Variants in GMPS observed in about 807,000 individuals in gnomAD.
GMPS encodes guanosine monophosphate synthase, also known as GMP synthase [glutamine-hydrolyzing].
Under a neutral mutation model 77.9 loss-of-function variants are expected in GMPS, and 15 were observed. That is an observed-to-expected ratio of 0.19 (90% CI 0.13 to 0.30). The LOEUF is 0.30. GMPS is among the 10% of genes least tolerant of loss of function. The pLI, the probability that GMPS is intolerant of heterozygous loss-of-function variation, is 1.00. For missense variants in GMPS, 590 were observed against 838.8 expected, an observed-to-expected ratio of 0.70 and a Z score of 3.66; for synonymous variants, 224 against 275.9, an observed-to-expected ratio of 0.81 and a Z score of 1.86.
In GMPS at chr3:155,941,384, A is replaced by C. The variant is rs1378899054; in HGVS notation, c.*3692A>C. ...GTGCCACTGCACTCCGGCCTGGTGA[A>C]AGAGCGAGACTCAGTCTCAAAAAAA... is the stretch of plus-strand genomic sequence containing the variant. On this transcript the variant is annotated 3_prime_UTR_variant, in exon 16 of 16. Transcript: ENST00000496455. 16 of 175,884 alleles carry C rather than the reference A, an allele frequency of 9.1e-5. No individual in the cohort carries two copies. Among genetic ancestry groups the C allele is most frequent in the African/African-American group, 7.9e-5 (3 of 37,748 alleles). The allele number at this position is 175,884 out of a possible 1,614,324, so 10.9% of individuals were successfully genotyped here. A position where few individuals can be genotyped will look rare whatever the true frequency, so the allele number is the denominator to read the frequency against.
rs1755894171 is a variant in GMPS, at chr3:155,941,612, G to A, written c.*3920G>A. ...TCTCATTGATATGTGGCGAGGACAC[G>A]CCTTAGCTATCACCCCAATGGATGC... On this transcript the variant is annotated 3_prime_UTR_variant, in exon 16 of 16. Coordinates refer to ENST00000496455, the MANE Select transcript of GMPS (RefSeq NM_003875.3). 9.0e-6 allele frequency: 2 copies of A among 221,156 alleles called. No individual in the cohort carries two copies. The highest frequency in any genetic ancestry group is 1.8e-4 in the South Asian group (1 of 5,430). The allele number at this position is 221,156 out of a possible 1,614,324, so 13.7% of individuals were successfully genotyped here. A position where few individuals can be genotyped will look rare whatever the true frequency, so the allele number is the denominator to read the frequency against.
At chr3:155,910,389 G>A (rs1755008066) in intron 5 of GMPS, among the ~76,000 whole-genome samples, 1 of 152,012 alleles carries the variant, frequency 6.6e-6, no homozygotes, top group Non-Finnish European at 1.5e-5. Context: ...CCAACATAGT[G>A]AAACCCTATC....
intron 8 of GMPS, 59 bp downstream of exon 8, chr3:155,914,629 G>A: frequency 8.9e-7 from 1 of 1,124,582 alleles, no homozygotes; most frequent in Non-Finnish European, 1.2e-6. Flanking sequence ...CTTAGTATTT[G>A]TTTTTCCTTG....
At chr3:155,899,714 T>G (rs940603072) in intron 3 of GMPS, among the ~76,000 whole-genome samples, 10 of 152,234 alleles carry the variant, frequency 6.6e-5, no homozygotes, top group South Asian at 2.1e-4. Flanking sequence ...CATTGTAGTA[T>G]TATACATTTT....
At chr3:155,885,852 CT>C (rs1400058717) in intron 1 of GMPS, among the ~76,000 whole-genome samples, 2 of 152,218 alleles carry the variant, frequency 1.3e-5, no homozygotes, top group African/African-American at 4.8e-5. Flanking sequence ...GAATCTCGCT[CT>C]GTCACAGCCC....
At chr3:155,887,405 T>TA (rs1275433213) in intron 1 of GMPS, among the ~76,000 whole-genome samples, 2 of 152,218 alleles carry the variant, frequency 1.3e-5, no homozygotes, top group Non-Finnish European at 2.9e-5. Context: ...ATTACCAATG[T>TA]AAATTTCTTG....
intron 11 of GMPS, 21 bp downstream of exon 11, chr3:155,922,323 T>G (rs1235095355): frequency 2.2e-6 from 2 of 907,072 alleles, no homozygotes; most frequent in East Asian, 5.5e-5. Flanking sequence ...ATACAGCTAA[T>G]CATTACAAGA....
At chr3:155,876,680 A>G (rs138848054) in intron 1 of GMPS, among the ~76,000 whole-genome samples, 1 of 152,336 alleles carries the variant, frequency 6.6e-6, no homozygotes, top group East Asian at 1.9e-4. Flanking sequence ...TATAGAGCAC[A>G]TATTGTTCTG....
At chr3:155,915,935 C>G (rs921429131) in intron 8 of GMPS, 84 bp from the exon 9 acceptor site, 3 of 841,720 alleles carry the variant, frequency 3.6e-6, no homozygotes, top group Non-Finnish European at 3.7e-6. Flanking sequence ...CTAAAGGACT[C>G]TAAGAGATTT....
intron 1 of GMPS, among the ~76,000 whole-genome samples, chr3:155,881,030 T>G (rs1392432518): frequency 6.6e-6 from 1 of 152,142 alleles, no homozygotes; most frequent in African/African-American, 2.4e-5. Flanking sequence ...ACTTACATTC[T>G]TATGTATTTC....
chr3:155,918,427 G>A (rs1755238103), intron 9 of GMPS, among the ~76,000 whole-genome samples: 1 of 152,234 alleles, frequency 6.6e-6, no homozygotes, highest in Admixed American at 6.5e-5. Flanking sequence ...ACTCCCGCCT[G>A]AGCGACAGAG....
At chr3:155,884,461 T>C (rs2108059483) in intron 1 of GMPS, among the ~76,000 whole-genome samples, 1 of 152,046 alleles carries the variant, frequency 6.6e-6, no homozygotes, top group Non-Finnish European at 1.5e-5. Context: ...CAGTGCCAAC[T>C]TTTCGTAGTT....
chr3:155,916,335 C>T (rs376305586), intron 9 of GMPS, 143 bp downstream of exon 9: 33 of 613,638 alleles, frequency 5.4e-5, no homozygotes, highest in African/African-American at 4.5e-4. Context: ...TAAAAAGGAA[C>T]CTTATACCCA....
At chr3:155,883,343 A>G (rs928903281) in intron 1 of GMPS, among the ~76,000 whole-genome samples, 3 of 152,156 alleles carry the variant, frequency 2.0e-5, no homozygotes, top group African/African-American at 7.2e-5. Flanking sequence ...CCAAAGTGCT[A>G]GGATTACAGG....
rs1308036793 is a variant in GMPS at position 155,906,222 on chromosome 3, A to G, written c.485A>G (p.Asp162Gly). The G allele has an allele frequency of 6.2e-7, 1 of 1,612,418 alleles. No individual in the cohort carries two copies. The highest frequency in any genetic ancestry group is 1.7e-5 in the Admixed American group (1 of 59,846). ...THGDSVDKVA[D>G]GFKVVARSGN... ...GGAGATAGTGTAGACAAAGTAGCTG[A>G]TGGATTCAAGGTTGTGGCACGTTCT... Residue 162 changes from aspartate to glycine, a missense_variant, in exon 5 of 16, where the codon GAT (aspartate) becomes GGT (glycine). Coordinates refer to ENST00000496455, the MANE Select transcript of GMPS (RefSeq NM_003875.3).
At chr3:155,906,400 G>T in intron 5 of GMPS, 137 bp downstream of exon 5, 1 of 536,616 alleles carries the variant, frequency 1.9e-6, no homozygotes, top group Non-Finnish European at 3.3e-6. Context: ...AGATAATAAT[G>T]AATGTAGGAT....
At position 155,880,820 on chromosome 3, in the gene GMPS, G is replaced by T. The variant is rs566504335; in HGVS notation, c.27+9923G>T. 1.1e-4 allele frequency among the ~76,000 whole-genome samples: 17 copies of T among 151,726 alleles called. No homozygotes were observed. In the South Asian group the frequency reaches 3.2e-3, roughly 28 times the overall value. On this transcript the variant is annotated intron_variant, in intron 1 of 15. Transcript: ENST00000496455. Reference sequence around the variant, plus strand: ...GTACATCTTGGGTTAACCACGTCTGGCTCTCTAGAGGTTAATAGTGCTTCT... The same window carrying T: ...GTACATCTTGGGTTAACCACGTCTGTCTCTCTAGAGGTTAATAGTGCTTCT...
chr3:155,877,670 A>G (rs529640342), intron 1 of GMPS, among the ~76,000 whole-genome samples: 2 of 152,278 alleles, frequency 1.3e-5, no homozygotes, highest in South Asian at 4.1e-4. Context: ...GCTTATGAAC[A>G]ACAAAAATTT....
intron 1 of GMPS, among the ~76,000 whole-genome samples, chr3:155,876,928 G>C (rs1259341301): frequency 6.6e-6 from 1 of 152,202 alleles, no homozygotes; most frequent in African/African-American, 2.4e-5. Flanking sequence ...ACACTTGCAA[G>C]GGATGTTTCC....
Sources: allele counts gnomAD v4.1 joint callset (sites outside exome capture counted in the v4.1 genomes callset), GRCh38; gene constraint gnomAD v4.1.1; transcripts MANE v1.5; gene names NCBI Gene and HGNC (gene_info 2026-07-23, HGNC 2026-07-21).